PARP11: variants seen among roughly 807,000 people sequenced by gnomAD.
The protein encoded by PARP11 is protein mono-ADP-ribosyltransferase PARP11.
In PARP11, 31 loss-of-function variants were observed where a neutral mutation model predicts 42.9. That is an observed-to-expected ratio of 0.72 (90% CI 0.54 to 0.98). The LOEUF (loss-of-function observed/expected upper bound fraction) is 0.98. Among genes scored for constraint, PARP11 ranks in the 50% least tolerant of loss-of-function variants. PARP11 has a pLI of 0.00. For synonymous variants in PARP11, 137 were observed against 127.3 expected (o/e 1.08, Z -0.51); for missense variants, 365 against 413.1 (o/e 0.88, Z 1.01).
At chr12:3,856,488 G>A (rs934490435) in intron 1 of PARP11, among the ~76,000 whole-genome samples, 4 of 152,210 alleles carry the variant, frequency 2.6e-5, no homozygotes, top group Non-Finnish European at 5.9e-5. Flanking sequence ...TTCAAAAGGA[G>A]ACATTTATGC....
intron 4 of PARP11, among the ~76,000 whole-genome samples, 157 bp downstream of exon 4, chr12:3,826,001 T>G (rs928716551): frequency 6.6e-6 from 1 of 152,138 alleles, no homozygotes; most frequent in Non-Finnish European, 1.5e-5. Context: ...AGTGCTGGGA[T>G]TACAGGTGTG....
intron 1 of PARP11, among the ~76,000 whole-genome samples, chr12:3,838,907 G>C (rs944980074): frequency 2.0e-5 from 3 of 152,166 alleles, no homozygotes; most frequent in Non-Finnish European, 4.4e-5. Context: ...CGCCTGGGGC[G>C]GGGCTTTTCT....
rs888260682 is a variant in PARP11, at chr12:3,846,754, C to G, written c.19-16736G>C. ...CCTGGGCAACAGAGCGAGACTCCGT[C>G]TTAAAAAAAAAAAAAAAGAAAAGAA... On this transcript the variant is annotated intron_variant, in intron 1 of 7. Transcript: ENST00000228820. 5.6e-5 allele frequency among the ~76,000 whole-genome samples: 7 copies of G among 125,728 alleles called. No homozygotes were observed. The East Asian group carries it at 1.2e-3, about 22-fold the overall frequency. 82.5% of individuals were successfully genotyped at this position (125,728 alleles called of 152,430 possible). A position where few individuals can be genotyped will look rare whatever the true frequency, so the allele number is the denominator to read the frequency against.
intron 6 of PARP11, 93 bp from the exon 7 acceptor site, chr12:3,814,281 G>A (rs1187774449): frequency 1.1e-5 from 11 of 964,302 alleles, no homozygotes; most frequent in Admixed American, 3.5e-5. Context: ...AATAGAAAGC[G>A]TAAAACAGGA....
chr12:3,822,153 T>C lies in PARP11; in HGVS notation c.349A>G (p.Ile117Val), dbSNP rs534914792. The change falls in exon 5 of 8, where the codon ATC (isoleucine) becomes GTC (valine). Residue 117 changes from isoleucine (I) to valine (V), a missense_variant. By Grantham distance (29) the Ile-to-Val change is conservative (BLOSUM62 3). Coordinates refer to ENST00000228820, the MANE Select transcript of PARP11 (RefSeq NM_020367.6). ...APFSISAFSY[I>V]CENEAIPMPP... ...ATAGGGATGGCCTCGTTTTCACAGA[T>C]GTAACTTGAAACAGCAAAAGAGAAA... The C allele has an allele frequency of 1.2e-5, 20 of 1,612,956 alleles. No homozygotes were observed. The South Asian group carries it at 2.0e-4, about 16-fold the overall frequency.
rs571216035 is a variant in PARP11, at chr12:3,863,060, G to GT, written c.18+10151dup. Among the ~76,000 whole-genome samples, 24 of 152,198 alleles carry GT rather than the reference G, an allele frequency of 1.6e-4. 1 individual carries two copies. The East Asian group carries it at 4.6e-3, about 29-fold the overall frequency. On this transcript the variant is annotated intron_variant, in intron 1 of 7. Coordinates refer to ENST00000228820, the MANE Select transcript of PARP11 (RefSeq NM_020367.6). ...TAATTTTTTCAAGAATGTTTTGTAG[G>GT]TTTCAATGTACAGATCTTGCAAATC...
chr12:3,844,428 CT>C (rs944120276), intron 1 of PARP11, among the ~76,000 whole-genome samples: 6 of 151,986 alleles, frequency 3.9e-5, no homozygotes, highest in South Asian at 2.1e-4. Context: ...TCAGCTTATG[CT>C]TTTTTTTGTA....
chr12:3,817,172 C>T (rs931520269), intron 6 of PARP11, among the ~76,000 whole-genome samples: 3 of 146,492 alleles, frequency 2.0e-5, no homozygotes, highest in African/African-American at 7.8e-5. Flanking sequence ...GCTTGGGTGT[C>T]AGAAAGAGAT....
intron 6 of PARP11, among the ~76,000 whole-genome samples, chr12:3,817,236 G>A (rs530545518): frequency 2.0e-5 from 3 of 151,912 alleles, no homozygotes; most frequent in East Asian, 1.9e-4. Flanking sequence ...GCACAAATTC[G>A]ATTGAATCTC....
chr12:3,819,659 C>A (rs1947355630), intron 6 of PARP11, among the ~76,000 whole-genome samples: 1 of 152,198 alleles, frequency 6.6e-6, no homozygotes, highest in South Asian at 2.1e-4. Flanking sequence ...TAAAGTTCTA[C>A]AATGGCATTC....
intron 1 of PARP11, chr12:3,841,324 C>G: frequency 8.2e-7 from 1 of 1,223,888 alleles, no homozygotes; most frequent in South Asian, 1.2e-5. Context: ...GTGGGCCCCA[C>G]ATTCTTACCT....
At chr12:3,872,967 A>C (rs1189067288) in intron 1 of PARP11, 1 of 192,392 alleles carries the variant, frequency 5.2e-6, no homozygotes, top group East Asian at 1.9e-4. Context: ...ATGAGGCTGA[A>C]ACATCACGGG....
intron 1 of PARP11, among the ~76,000 whole-genome samples, chr12:3,832,572 T>C (rs774752837): frequency 1.5e-4 from 23 of 152,196 alleles, no homozygotes; most frequent in Non-Finnish European, 2.2e-4. Context: ...ATGCATTTTA[T>C]AAGATTAAAC....
intron 3 of PARP11, 148 bp from the exon 4 acceptor site, chr12:3,826,381 C>T (rs1464680684): frequency 1.4e-5 from 7 of 515,364 alleles, no homozygotes; most frequent in Non-Finnish European, 2.4e-5. Flanking sequence ...GGGTACTTTA[C>T]CATGCAGCTA....
At position 3,834,836 on chromosome 12, in the gene PARP11, A is replaced by T. The variant is rs145703985; in HGVS notation, c.19-4818T>A. The stretch of plus-strand genomic sequence containing the variant: ...TAAAAACACTAGGCTGTGTACACCC[A>T]GGAATGATCAGGGCAGAACGTGGGG... On this transcript the variant is annotated intron_variant, in intron 1 of 7. Transcript: ENST00000228820. Among the ~76,000 whole-genome samples, 741 of 152,166 alleles carry T rather than the reference A, an allele frequency of 4.9e-3. 2 individuals carry two copies. The highest frequency in any genetic ancestry group is 0.02 in the Middle Eastern group (6 of 294).
At chr12:3,838,948 G>T (rs1376855188) in intron 1 of PARP11, among the ~76,000 whole-genome samples, 1 of 152,070 alleles carries the variant, frequency 6.6e-6, no homozygotes, top group Non-Finnish European at 1.5e-5. Context: ...GAGGAAACTT[G>T]TGGGGGCGGC....
chr12:3,842,052 G>C, intron 1 of PARP11: 1 of 1,610,564 alleles, frequency 6.2e-7, no homozygotes. Context: ...CAGAGGGAAA[G>C]GCTCACCCTC....
chr12:3,822,211 C>A, intron 4 of PARP11, 54 bp from the exon 5 acceptor site: 1 of 1,350,626 alleles, frequency 7.4e-7, no homozygotes, highest in Non-Finnish European at 1.1e-6. Flanking sequence ...CAATTACTGT[C>A]AAGAACTTAG....
At chr12:3,864,917 T>G (rs1332534871) in intron 1 of PARP11, among the ~76,000 whole-genome samples, 1 of 152,200 alleles carries the variant, frequency 6.6e-6, no homozygotes, top group Non-Finnish European at 1.5e-5. Context: ...AACCTTTATT[T>G]CCTTGCTCCT....
Sources: gnomAD v4.1 joint callset for allele counts (sites outside exome capture counted in the v4.1 genomes callset) on GRCh38, gnomAD v4.1.1 for gene constraint, MANE v1.5 for transcripts, NCBI Gene and HGNC (gene_info 2026-07-23, HGNC 2026-07-21) for gene names.